Variants in LY75 observed in about 807,000 individuals in gnomAD.
The protein encoded by LY75 is C-type lectin domain family 13 member B.
LY75 carries 185 observed loss-of-function variants against 231.7 expected under a neutral mutation model. The observed-to-expected ratio is 0.80, with a 90% CI of 0.71 to 0.90. The LOEUF is 0.90. Among genes scored for constraint, LY75 ranks in the 40% least tolerant of loss-of-function variants. The pLI is 0.00. For synonymous variants in LY75, 668 were observed against 689.0 expected, an observed-to-expected ratio of 0.97 and a Z score of 0.48; for missense variants, 1,947 against 2,050.2, an observed-to-expected ratio of 0.95 and a Z score of 0.97.
chr2:159,875,458 G>T lies in LY75; in HGVS notation c.1960C>A (p.Leu654Ile). 6.2e-7 allele frequency: 1 copy of T among 1,613,188 alleles called. No individual in the cohort carries two copies. Among genetic ancestry groups the T allele is most frequent in the Non-Finnish European group, 8.5e-7 (1 of 1,179,656 alleles). ...PEGWQSFPASLSCYKVFHAER... is the reference protein window; with the variant it reads ...PEGWQSFPASISCYKVFHAER... Reference sequence around the variant, plus strand: ...TGTCACTTTACCTTATAACAAGAAAGACTTGCGGGGAAACTCTGCCAGCCT... The same window carrying T: ...TGTCACTTTACCTTATAACAAGAAATACTTGCGGGGAAACTCTGCCAGCCT... Residue 654 changes from leucine (L) to isoleucine (I), a missense_variant, in exon 12 of 35, where the codon CTT (leucine) becomes ATT (isoleucine). Physicochemically the swap from Leu to Ile is conservative, Grantham distance 5. Transcript: ENST00000263636.
chr2:159,853,402 AT>A (rs774440455), intron 19 of LY75, 50 bp from the exon 20 acceptor site: 23 of 1,589,300 alleles, frequency 1.4e-5, no homozygotes, highest in South Asian at 6.8e-5. Flanking sequence ...TAGGTGTTCC[AT>A]TTTTTTCTTT....
intron 13 of LY75, among the ~76,000 whole-genome samples, chr2:159,866,980 A>G (rs1684874995): frequency 6.6e-6 from 1 of 152,096 alleles, no homozygotes; most frequent in South Asian, 2.1e-4. Flanking sequence ...TCTCTCAGCT[A>G]ATAGCTCCCC....
chr2:159,810,374 C>A (rs946188794), intron 32 of LY75, 152 bp downstream of exon 32: 1 of 1,078,130 alleles, frequency 9.3e-7, no homozygotes, highest in Non-Finnish European at 1.3e-6. Flanking sequence ...TAACCATTTC[C>A]CTACCACTGG....
At position 159,816,975 on chromosome 2, in the gene LY75, C is replaced by G. The variant is rs749305424; in HGVS notation, c.4211G>C (p.Gly1404Ala). ...TLPQFMPYEDGIYSVIQKKVT... is the reference protein window; with the variant it reads ...TLPQFMPYEDAIYSVIQKKVT... ...CTTTTTTTGAATAACACTGTAAATA[C>G]CATCTTCATATGGCATAAACTGTGG... The change falls in exon 30 of 35, where the codon GGT becomes GCT. Residue 1404 changes from glycine (G) to alanine (A), a missense_variant. By Grantham distance (60) the Gly-to-Ala change is moderately conservative (BLOSUM62 0). Coordinates refer to ENST00000263636, the MANE Select transcript of LY75 (RefSeq NM_002349.4). 6.2e-7 allele frequency: 1 copy of G among 1,613,988 alleles called. No homozygotes were observed. The highest frequency in any genetic ancestry group is 1.1e-5 in the South Asian group (1 of 91,088).
chr2:159,860,950 T>A, intron 14 of LY75, 61 bp from the exon 15 acceptor site: 1 of 1,600,736 alleles, frequency 6.2e-7, no homozygotes, highest in South Asian at 1.1e-5. Flanking sequence ...GCAATTTAGA[T>A]GTAATTTAGG....
intron 30 of LY75, 62 bp downstream of exon 30, chr2:159,816,744 C>G: frequency 6.3e-7 from 1 of 1,593,716 alleles, no homozygotes; most frequent in Non-Finnish European, 8.6e-7. Flanking sequence ...ACTTTACGCT[C>G]AAATTTCTAA....
chr2:159,873,864 T>C (rs1268142240), intron 12 of LY75, among the ~76,000 whole-genome samples: 62 of 121,138 alleles, frequency 5.1e-4, no homozygotes, highest in Non-Finnish European at 9.4e-4. Flanking sequence ...GTATATATTT[T>C]GTAAAAATAC....
intron 13 of LY75, among the ~76,000 whole-genome samples, chr2:159,870,248 T>C (rs1684970645): frequency 6.6e-6 from 1 of 152,072 alleles, no homozygotes. Flanking sequence ...GCCAGGAATC[T>C]GAGATTAGCC....
chr2:159,858,334 G>T (rs373282002), intron 16 of LY75, 28 bp downstream of exon 16: 1 of 1,607,822 alleles, frequency 6.2e-7, no homozygotes, highest in Admixed American at 1.7e-5. Context: ...ACATGAGAAG[G>T]TTGTGAAAAG....
intron 27 of LY75, among the ~76,000 whole-genome samples, chr2:159,832,449 A>G (rs1426813158): frequency 6.6e-6 from 1 of 152,232 alleles, no homozygotes; most frequent in Admixed American, 6.5e-5. Context: ...TCCTGAAACC[A>G]TCCACCCCTC....
At chr2:159,896,286 C>T (rs1365272599) in intron 2 of LY75, among the ~76,000 whole-genome samples, 1 of 152,210 alleles carries the variant, frequency 6.6e-6, no homozygotes, top group Non-Finnish European at 1.5e-5. Context: ...AAGCAGTTCA[C>T]TCATAAAATT....
chr2:159,897,579 T>G (rs896959172), intron 2 of LY75, among the ~76,000 whole-genome samples: 3 of 152,158 alleles, frequency 2.0e-5, no homozygotes, highest in Non-Finnish European at 4.4e-5. Flanking sequence ...AAAGAAAAAC[T>G]TGTGCAGATG....
intron 4 of LY75, 52 bp from the exon 5 acceptor site, chr2:159,886,582 T>C: frequency 6.5e-7 from 1 of 1,530,008 alleles, no homozygotes; most frequent in Non-Finnish European, 8.8e-7. Context: ...TAAGTTATTA[T>C]CTAAATTAGA....
intron 1 of LY75, among the ~76,000 whole-genome samples, chr2:159,902,021 G>A (rs1452865295): frequency 6.6e-6 from 1 of 152,218 alleles, no homozygotes; most frequent in Non-Finnish European, 1.5e-5. Flanking sequence ...CTGAGAAAGT[G>A]TGAACATAAT....
chr2:159,899,110 C>T, intron 1 of LY75, 51 bp from the exon 2 acceptor site: 1 of 1,572,350 alleles, frequency 6.4e-7, no homozygotes, highest in Non-Finnish European at 8.6e-7. Context: ...AAGCGCCTTG[C>T]TCCCTGCCTG....
chr2:159,903,818 G>C (rs866445725), intron 1 of LY75, among the ~76,000 whole-genome samples: 2 of 152,152 alleles, frequency 1.3e-5, no homozygotes, highest in Non-Finnish European at 2.9e-5. Context: ...CTGCCAAGGG[G>C]TGTGGTGTGG....
chr2:159,828,707 T>C (rs755169817), intron 28 of LY75, among the ~76,000 whole-genome samples: 7 of 152,176 alleles, frequency 4.6e-5, no homozygotes, highest in Non-Finnish European at 1.0e-4. Flanking sequence ...TTATACATAA[T>C]AATTAAAAAT....
chr2:159,828,595 G>A (rs949488008), intron 28 of LY75, among the ~76,000 whole-genome samples: 10 of 152,084 alleles, frequency 6.6e-5, no homozygotes, highest in African/African-American at 2.4e-4. Flanking sequence ...TTCTTCAAAG[G>A]GTTAAACAAA....
chr2:159,855,761 T>C (rs1449218073), intron 16 of LY75, among the ~76,000 whole-genome samples: 2 of 152,190 alleles, frequency 1.3e-5, no homozygotes, highest in Admixed American at 6.5e-5. Flanking sequence ...AAGTTCCCCA[T>C]GGGAGCCTAT....
Sources: allele counts gnomAD v4.1 joint callset (sites outside exome capture counted in the v4.1 genomes callset), GRCh38; gene constraint gnomAD v4.1.1; transcripts MANE v1.5; gene names NCBI Gene and HGNC (gene_info 2026-07-23, HGNC 2026-07-21).